Variants in ROBO1 observed in about 807,000 individuals in gnomAD.
The protein encoded by ROBO1 is roundabout guidance receptor 1.
In ROBO1, 149 loss-of-function variants were observed where a neutral mutation model predicts 195.9. The ratio of observed to expected loss-of-function variants is 0.76; its 90% CI spans 0.67 to 0.87. The LOEUF is 0.87. Among genes scored for constraint, ROBO1 ranks in the 40% least tolerant of loss-of-function variants. ROBO1 has a pLI of 0.00. For synonymous variants in ROBO1, 816 were observed against 733.2 expected (o/e 1.11, Z -1.82); for missense variants, 1,933 against 2,068.3 (o/e 0.93, Z 1.27).
rs185284457 is a variant in ROBO1 at position 79,321,624 on chromosome 3, T to C, written c.89-196085A>G. On this transcript the variant is annotated intron_variant, in intron 2 of 30. Coordinates refer to ENST00000464233, the MANE Select transcript of ROBO1 (RefSeq NM_002941.4). The stretch of plus-strand genomic sequence containing the variant: ...TTCCTTCTTCAAAAGCAAAACACTA[T>C]AGTGATAGCCTAGAATGATATGAAC... Among the ~76,000 whole-genome samples, 586 of 152,292 alleles carry C rather than the reference T, an allele frequency of 3.8e-3. 2 individuals carry two copies. The highest frequency in any genetic ancestry group is 6.5e-3 in the Non-Finnish European group (439 of 68,010).
At chr3:78,972,424 T>G (rs537829281) in intron 3 of ROBO1, among the ~76,000 whole-genome samples, 47 of 152,216 alleles carry the variant, frequency 3.1e-4, no homozygotes, top group Non-Finnish European at 6.0e-4. Context: ...ATTTTTCATT[T>G]TGAGAATTTG....
intron 4 of ROBO1, among the ~76,000 whole-genome samples, chr3:78,806,958 C>A (rs1426167881): frequency 6.6e-6 from 1 of 152,026 alleles, no homozygotes; most frequent in African/African-American, 2.4e-5. Context: ...CAGGCGTACA[C>A]CACCACACCT....
chr3:78,917,070 G>T (rs1481035997), intron 4 of ROBO1, among the ~76,000 whole-genome samples: 1 of 149,206 alleles, frequency 6.7e-6, no homozygotes, highest in Admixed American at 6.7e-5. Flanking sequence ...GTTAATGTCA[G>T]TATAGTCAGA....
At chr3:78,769,459 G>T (rs1373610143) in intron 4 of ROBO1, among the ~76,000 whole-genome samples, 3 of 152,048 alleles carry the variant, frequency 2.0e-5, no homozygotes, top group Non-Finnish European at 4.4e-5. Flanking sequence ...TTTTGTGTTA[G>T]GTGAGTCTCC....
chr3:79,287,760 AAAAG>A (rs1474416123), intron 2 of ROBO1, among the ~76,000 whole-genome samples: 3 of 152,310 alleles, frequency 2.0e-5, no homozygotes, highest in African/African-American at 4.8e-5. Context: ...GCTGAATTTG[AAAAG>A]AAAGGGGAAA....
chr3:79,110,230 C>T (rs1389853623), intron 3 of ROBO1, among the ~76,000 whole-genome samples: 2 of 152,052 alleles, frequency 1.3e-5, no homozygotes, highest in South Asian at 2.1e-4. Flanking sequence ...GTGAATTGGG[C>T]ACATTTTACA....
intron 3 of ROBO1, among the ~76,000 whole-genome samples, chr3:78,989,945 T>C (rs2077197421): frequency 3.3e-5 from 5 of 151,962 alleles, no homozygotes; most frequent in African/African-American, 7.2e-5. Context: ...AAAAAGTCCA[T>C]AGAAAACCAA....
chr3:79,477,830 G>T (rs1938622059), intron 2 of ROBO1, among the ~76,000 whole-genome samples: 1 of 152,082 alleles, frequency 6.6e-6, no homozygotes, highest in African/African-American at 2.4e-5. Context: ...ACATTTACCA[G>T]TTTAAGGTCC....
intron 2 of ROBO1, among the ~76,000 whole-genome samples, chr3:79,219,517 C>A (rs550260153): frequency 6.6e-6 from 1 of 152,022 alleles, no homozygotes; most frequent in African/African-American, 2.4e-5. Flanking sequence ...CAGTATGACC[C>A]GTAAACCTCT....
intron 2 of ROBO1, among the ~76,000 whole-genome samples, chr3:79,586,283 T>C (rs1943828032): frequency 6.6e-6 from 1 of 151,978 alleles, no homozygotes; most frequent in Admixed American, 6.6e-5. Flanking sequence ...CAATTTATAA[T>C]CTATTTATGG....
At chr3:78,950,707 C>A (rs1156275770) in intron 3 of ROBO1, among the ~76,000 whole-genome samples, 53 of 149,100 alleles carry the variant, frequency 3.6e-4, no homozygotes, top group Admixed American at 3.4e-3. Flanking sequence ...AAAAACAAAA[C>A]ATCAAGAAAC....
At chr3:78,624,337 A>T (rs1019703342) in intron 26 of ROBO1, among the ~76,000 whole-genome samples, 1 of 152,166 alleles carries the variant, frequency 6.6e-6, no homozygotes, top group Non-Finnish European at 1.5e-5. Flanking sequence ...TTAATCATAA[A>T]AAAGCAGTTA....
intron 5 of ROBO1, among the ~76,000 whole-genome samples, chr3:78,719,560 T>C (rs1430076692): frequency 1.3e-5 from 2 of 152,130 alleles, no homozygotes; most frequent in African/African-American, 4.8e-5. Flanking sequence ...ATACACATAA[T>C]TTTTCTAAAG....
At chr3:79,172,401 G>A (rs1201731923) in intron 2 of ROBO1, among the ~76,000 whole-genome samples, 1 of 152,010 alleles carries the variant, frequency 6.6e-6, no homozygotes, top group African/African-American at 2.4e-5. Context: ...AAAAATTTTT[G>A]TCTCAATTTT....
At chr3:79,476,244 G>A (rs1242044371) in intron 2 of ROBO1, among the ~76,000 whole-genome samples, 1 of 152,060 alleles carries the variant, frequency 6.6e-6, no homozygotes, top group African/African-American at 2.4e-5. Context: ...AATAATAGAT[G>A]TTGGCACGGG....
At chr3:78,915,934 A>G (rs1241257872) in intron 4 of ROBO1, among the ~76,000 whole-genome samples, 2 of 152,148 alleles carry the variant, frequency 1.3e-5, no homozygotes, top group African/African-American at 2.4e-5. Flanking sequence ...CAAGTGCGAG[A>G]GCCGCTGTGC....
chr3:79,315,756 A>C (rs2033702649), intron 2 of ROBO1, among the ~76,000 whole-genome samples: 1 of 152,332 alleles, frequency 6.6e-6, no homozygotes, highest in East Asian at 1.9e-4. Context: ...CTGGAGTTTT[A>C]AGGCAAGATT....
In ROBO1 at chr3:78,689,688, G is replaced by A. The variant is rs188672641; in HGVS notation, c.1046-916C>T. On this transcript the variant is annotated intron_variant, in intron 8 of 30. Coordinates refer to ENST00000464233, the MANE Select transcript of ROBO1 (RefSeq NM_002941.4). ...CTCTTGTCTCGGTTTAAATTGAAGC[G>A]AATGAATGCTTCAAGCGACATTTAA... 5.2e-3 allele frequency among the ~76,000 whole-genome samples: 791 copies of A among 152,076 alleles called. 10 individuals are homozygous for A. The highest frequency in any genetic ancestry group is 0.018 in the African/African-American group (750 of 41,508).
chr3:79,091,097 T>C (rs2079472498), intron 3 of ROBO1, among the ~76,000 whole-genome samples: 1 of 152,150 alleles, frequency 6.6e-6, no homozygotes, highest in African/African-American at 2.4e-5. Context: ...TGCCGTTACA[T>C]AACACCTCCA....
Sources: gnomAD v4.1 joint callset for allele counts (sites outside exome capture counted in the v4.1 genomes callset) on GRCh38, gnomAD v4.1.1 for gene constraint, MANE v1.5 for transcripts, NCBI Gene and HGNC (gene_info 2026-07-23, HGNC 2026-07-21) for gene names.